SFMBT2: variants seen among roughly 807,000 people sequenced by gnomAD.
SFMBT2 encodes Scm like with four mbt domains 2, also known as scm-like with four MBT domains protein 2.
SFMBT2 carries 38 observed loss-of-function variants against 110.1 expected under a neutral mutation model. The ratio of observed to expected loss-of-function variants is 0.35; its 90% confidence interval spans 0.27 to 0.45. The LOEUF (loss-of-function observed/expected upper bound fraction) is 0.45. Ranked by LOEUF, SFMBT2 falls within the 20% of genes least tolerant of loss-of-function variation. The probability of loss-of-function intolerance (pLI) is 1.00; values close to 1 mark genes in which losing one functional copy is unlikely to be tolerated. For missense variants in SFMBT2, 1,011 were observed against 1,094.9 expected (o/e 0.92, Z 1.08); for synonymous variants, 425 against 425.4 (o/e 1.00, Z 0.01).
intron 20 of SFMBT2, among the ~76,000 whole-genome samples, chr10:7,169,729 A>G (rs116418117): frequency 0.012 from 1,816 of 152,296 alleles, 25 homozygotes; most frequent in Middle Eastern, 0.041. Flanking sequence ...GGCAGGATGC[A>G]AGGTGGTGTG....
At chr10:7,332,079 T>C (rs972668253) in intron 4 of SFMBT2, among the ~76,000 whole-genome samples, 1 of 149,610 alleles carries the variant, frequency 6.7e-6, no homozygotes, top group Non-Finnish European at 1.5e-5. Context: ...CTACAGGTCA[T>C]CTACCGCCGA....
intron 8 of SFMBT2, among the ~76,000 whole-genome samples, chr10:7,245,674 C>T (rs1361034654): frequency 1.3e-5 from 2 of 152,194 alleles, no homozygotes; most frequent in Non-Finnish European, 2.9e-5. Flanking sequence ...GTATCCTTTC[C>T]TCTAATCAAT....
intron 9 of SFMBT2, chr10:7,228,286 C>T: frequency 2.3e-6 from 1 of 438,076 alleles, no homozygotes; most frequent in Non-Finnish European, 3.0e-6. Flanking sequence ...TAGACAATGA[C>T]ATCTCCCTTC....
At chr10:7,226,654 A>T (rs1163103899) in intron 10 of SFMBT2, among the ~76,000 whole-genome samples, 2 of 152,280 alleles carry the variant, frequency 1.3e-5, no homozygotes, top group Non-Finnish European at 2.9e-5. Flanking sequence ...CCTAATTCTT[A>T]AAACAGAGAT....
rs184202272 is a variant in SFMBT2, at chr10:7,352,645, C to A, written c.436+15004G>T. On this transcript the variant is annotated intron_variant, in intron 4 of 20. Coordinates refer to ENST00000397167, the MANE Select transcript of SFMBT2 (RefSeq NM_001387889.1). ...GCCTCCAGAGATTAGAGTTTCAAATCAGCTCCCAACACCTCTTGCTAAGCC... is the reference window on the plus strand; with the variant it reads ...GCCTCCAGAGATTAGAGTTTCAAATAAGCTCCCAACACCTCTTGCTAAGCC... 2.2e-3 allele frequency among the ~76,000 whole-genome samples: 337 copies of A among 152,292 alleles called. 3 individuals are homozygous for A. The highest frequency in any genetic ancestry group is 7.7e-3 in the African/African-American group (319 of 41,574).
At chr10:7,197,028 C>T (rs1477968051) in intron 15 of SFMBT2, among the ~76,000 whole-genome samples, 1 of 152,144 alleles carries the variant, frequency 6.6e-6, no homozygotes, top group Non-Finnish European at 1.5e-5. Context: ...GTCAAAGTAC[C>T]TGGAGACCAT....
At chr10:7,241,378 C>G in intron 9 of SFMBT2, 2 of 964,034 alleles carry the variant, frequency 2.1e-6, no homozygotes, top group Non-Finnish European at 2.5e-6. Context: ...AAGGTACTAG[C>G]CACCATTACT....
Position 7,276,881 on chromosome 10 carries a change from C to G in SFMBT2, c.870+11G>C. On this transcript the variant is annotated intron_variant, in intron 7 of 20. Transcript: ENST00000397167. ...AAAGGGTAGATACATTGCTAAGAAT[C>G]AACATCTTACCTTAAACACTTCCAT... 2.3e-6 allele frequency: 2 copies of G among 865,628 alleles called. No homozygotes were observed. Among genetic ancestry groups the G allele is most frequent in the Non-Finnish European group, 4.0e-6 (2 of 495,162 alleles). The allele number at this position is 865,628 out of a possible 1,614,324, so 53.6% of individuals were successfully genotyped here. A position where few individuals can be genotyped will look rare whatever the true frequency, so the allele number is the denominator to read the frequency against.
At chr10:7,164,357 G>T in intron 20 of SFMBT2, 1 of 922,108 alleles carries the variant, frequency 1.1e-6, no homozygotes, top group Non-Finnish European at 1.3e-6. Context: ...CTGCCCTCCA[G>T]CCTGGGCAAC....
chr10:7,234,672 A>C (rs1840204499), intron 9 of SFMBT2, among the ~76,000 whole-genome samples: 1 of 152,362 alleles, frequency 6.6e-6, no homozygotes. Context: ...TTCCAAGTCC[A>C]GTAGCCGGGC....
intron 9 of SFMBT2, among the ~76,000 whole-genome samples, chr10:7,228,735 C>CTTT (rs1491205985): frequency 3.8e-3 from 138 of 36,390 alleles, no homozygotes; most frequent in East Asian, 0.011. Context: ...TTCTTTCTTT[C>CTTT]CTTTCTCTCT....
intron 16 of SFMBT2, among the ~76,000 whole-genome samples, chr10:7,188,290 AATG>A (rs1337702199): frequency 6.6e-6 from 1 of 152,228 alleles, no homozygotes; most frequent in African/African-American, 2.4e-5. Context: ...ATAGTATAAT[AATG>A]ATGAGGGATA....
intron 6 of SFMBT2, among the ~76,000 whole-genome samples, chr10:7,282,537 G>A (rs1169727171): frequency 6.6e-6 from 1 of 152,216 alleles, no homozygotes; most frequent in African/African-American, 2.4e-5. Context: ...AACACGACAG[G>A]CTCTTTGTTT....
intron 15 of SFMBT2, among the ~76,000 whole-genome samples, chr10:7,196,897 C>T (rs886567879): frequency 2.0e-5 from 3 of 152,172 alleles, no homozygotes; most frequent in Admixed American, 2.0e-4. Flanking sequence ...GGAGAAGAAG[C>T]CTTCATCAAC....
chr10:7,260,923 G>A (rs527848745), intron 7 of SFMBT2, among the ~76,000 whole-genome samples: 52 of 151,686 alleles, frequency 3.4e-4, no homozygotes, highest in African/African-American at 1.2e-3. Flanking sequence ...CTGAGTTTGC[G>A]CAGTCTTTAA....
At chr10:7,300,006 A>C (rs1842512922) in intron 4 of SFMBT2, among the ~76,000 whole-genome samples, 1 of 152,204 alleles carries the variant, frequency 6.6e-6, no homozygotes, top group African/African-American at 2.4e-5. Flanking sequence ...ATAAGATCAT[A>C]TCCTTTGCAG....
intron 9 of SFMBT2, among the ~76,000 whole-genome samples, chr10:7,232,755 C>CAAAATTATTTCATTAATAA (rs1840141821): frequency 6.6e-6 from 1 of 152,164 alleles, no homozygotes. Flanking sequence ...ATAATGATCA[C>CAAAATTATTTCATTAATAA]AAAATTATTT....
At chr10:7,391,836 C>G (rs1364767301) in intron 1 of SFMBT2, among the ~76,000 whole-genome samples, 2 of 151,840 alleles carry the variant, frequency 1.3e-5, no homozygotes, top group African/African-American at 2.4e-5. Context: ...TCCATTTTTT[C>G]ATTTTGCATT....
chr10:7,243,061 T>C (rs1440946468), intron 9 of SFMBT2, among the ~76,000 whole-genome samples: 3 of 152,210 alleles, frequency 2.0e-5, no homozygotes, highest in Admixed American at 6.5e-5. Context: ...TGAATCCCAA[T>C]TTAAAATTAT....
Sources: allele counts gnomAD v4.1 joint callset (sites outside exome capture counted in the v4.1 genomes callset), GRCh38; gene constraint gnomAD v4.1.1; transcripts MANE v1.5; gene names NCBI Gene and HGNC (gene_info 2026-07-23, HGNC 2026-07-21).